Variants in SLC12A6 observed in about 807,000 individuals in gnomAD.
SLC12A6 encodes the protein K-Cl cotransporter 3.
SLC12A6 carries 66 observed loss-of-function variants against 135.3 expected under a neutral mutation model. The observed-to-expected ratio is 0.49, with a 90% CI of 0.40 to 0.60. The LOEUF (loss-of-function observed/expected upper bound fraction) is 0.60. SLC12A6 is among the 20% of genes least tolerant of loss of function. SLC12A6 has a pLI of 0.00. For synonymous variants in SLC12A6, 513 were observed against 508.8 expected, an observed-to-expected ratio of 1.01 and a Z score of -0.11; for missense variants, 1,058 against 1,452.3, an observed-to-expected ratio of 0.73 and a Z score of 4.41.
intron 2 of SLC12A6, among the ~76,000 whole-genome samples, chr15:34,334,860 T>TA (rs1400239985): frequency 5.3e-5 from 8 of 152,172 alleles, no homozygotes; most frequent in African/African-American, 1.9e-4. Context: ...TGCTTAAGGG[T>TA]AACGTAAGAA....
chr15:34,287,011 A>G, intron 2 of SLC12A6, among the ~76,000 whole-genome samples: 1 of 151,854 alleles, frequency 6.6e-6, no homozygotes, highest in East Asian at 1.9e-4. Context: ...TTTTTTAAAT[A>G]CTTTAAGTTC....
chr15:34,302,801 T>C (rs1003382305), intron 2 of SLC12A6, among the ~76,000 whole-genome samples: 30 of 151,608 alleles, frequency 2.0e-4, no homozygotes, highest in African/African-American at 6.8e-4. Context: ...AAATTAAAAA[T>C]TAGCCTGGCG....
At position 34,310,567 on chromosome 15, in the gene SLC12A6, G is replaced by A. The variant is rs867496763; in HGVS notation, c.271+25843C>T. On this transcript the variant is annotated intron_variant, in intron 2 of 25. Transcript: ENST00000354181. ...CTCAACTGTGTGTGTGTGTGTGTGTGTGTATGTGTGTGTGTGTGTGTGTGT... is the reference window on the plus strand; with the variant it reads ...CTCAACTGTGTGTGTGTGTGTGTGTATGTATGTGTGTGTGTGTGTGTGTGT... Among the ~76,000 whole-genome samples, 767 of 99,262 alleles carry A rather than the reference G, an allele frequency of 7.7e-3. 142 individuals are homozygous for A. The highest frequency in any genetic ancestry group is 0.04 in the African/African-American group (700 of 17,678). The allele number at this position is 99,262 out of a possible 152,430, so 65.1% of individuals were successfully genotyped here. A position where few individuals can be genotyped will look rare whatever the true frequency, so the allele number is the denominator to read the frequency against.
At chr15:34,269,007 C>T (rs149819117) in intron 3 of SLC12A6, among the ~76,000 whole-genome samples, 54 of 152,148 alleles carry the variant, frequency 3.5e-4, no homozygotes, top group Middle Eastern at 3.4e-3. Flanking sequence ...TAGGCGCCTG[C>T]CACCATGCCT....
chr15:34,319,255 C>T (rs1888884830), intron 2 of SLC12A6, among the ~76,000 whole-genome samples: 1 of 151,712 alleles, frequency 6.6e-6, no homozygotes, highest in African/African-American at 2.4e-5. Context: ...CCTGCCTCAG[C>T]CTCACGAGTA....
Position 34,260,979 on chromosome 15 carries a change from A to C in SLC12A6, c.358T>G (p.Ser120Ala). ...KKARNAYLNN[S>A]NYEEGDEYFD... ...TATTCATCTCCTTCTTCATAATTGG[A>C]ATTATTGAGATAAGCATTTCGAGCT... The change falls in exon 4 of 26, where the codon TCC (serine) becomes GCC (alanine). Residue 120 changes from serine to alanine, a missense_variant. By Grantham distance (99) the Ser-to-Ala change is moderately conservative. Transcript: ENST00000354181. 1 of 1,580,630 alleles carries C rather than the reference A, an allele frequency of 6.3e-7. No homozygotes were observed. Among genetic ancestry groups the C allele is most frequent in the South Asian group, 1.1e-5 (1 of 90,362 alleles).
chr15:34,317,848 T>G (rs1888761469), intron 2 of SLC12A6, among the ~76,000 whole-genome samples: 1 of 152,256 alleles, frequency 6.6e-6, no homozygotes, highest in South Asian at 2.1e-4. Context: ...ACTATAATAT[T>G]AACAAAGATT....
chr15:34,277,700 T>C (rs347826), intron 2 of SLC12A6, among the ~76,000 whole-genome samples: 9,521 of 152,206 alleles, frequency 0.063, 984 homozygotes, highest in African/African-American at 0.22. Context: ...GGAAGTGTTA[T>C]CACATCATTT....
chr15:34,285,246 T>C (rs945230814), intron 2 of SLC12A6, among the ~76,000 whole-genome samples: 14 of 152,254 alleles, frequency 9.2e-5, no homozygotes, highest in Admixed American at 5.9e-4. Context: ...CAAGAAAAGA[T>C]AATGGTAGTA....
intron 2 of SLC12A6, among the ~76,000 whole-genome samples, chr15:34,313,088 G>A (rs1888374364): frequency 6.6e-6 from 1 of 152,046 alleles, no homozygotes; most frequent in South Asian, 2.1e-4. Context: ...AACCCACATT[G>A]GCCTCTAAGT....
intron 2 of SLC12A6, among the ~76,000 whole-genome samples, chr15:34,317,956 A>C (rs1888768307): frequency 1.3e-5 from 2 of 152,218 alleles, no homozygotes; most frequent in South Asian, 4.1e-4. Flanking sequence ...TTCATCAAAT[A>C]CTTTTTTTAA....
intron 2 of SLC12A6, among the ~76,000 whole-genome samples, chr15:34,324,556 C>T (rs1345333177): frequency 6.6e-6 from 1 of 152,124 alleles, no homozygotes; most frequent in African/African-American, 2.4e-5. Flanking sequence ...TAATATGTTA[C>T]ACTAGCATAG....
Position 34,243,769 on chromosome 15 carries a change from G to A in SLC12A6, c.2042+205C>T, listed in dbSNP as rs192991041. 2.0e-3 allele frequency among the ~76,000 whole-genome samples: 299 copies of A among 152,236 alleles called. 4 individuals are homozygous for A. Among genetic ancestry groups the A allele is most frequent in the Non-Finnish European group, 2.0e-3 (133 of 68,024 alleles). ...TCTATTTAGTGCTTTTGCTCTATTC[G>A]TATTGGGTGTTATAAGTTATTATAA... On this transcript the variant is annotated intron_variant, in intron 16 of 25. Transcript: ENST00000354181.
At chr15:34,255,190 C>A in intron 8 of SLC12A6, 72 bp downstream of exon 8, 1 of 1,233,026 alleles carries the variant, frequency 8.1e-7, no homozygotes, top group Non-Finnish European at 1.2e-6. Flanking sequence ...CTCTCAGAAG[C>A]TTTCATAGCA....
intron 2 of SLC12A6, among the ~76,000 whole-genome samples, chr15:34,289,923 C>A (rs1406386064): frequency 6.6e-6 from 1 of 152,088 alleles, no homozygotes; most frequent in African/African-American, 2.4e-5. Flanking sequence ...TTTCAAAAAA[C>A]CAGCTCCTGG....
At chr15:34,273,374 C>CA (rs967532164) in intron 3 of SLC12A6, among the ~76,000 whole-genome samples, 1 of 151,952 alleles carries the variant, frequency 6.6e-6, no homozygotes, top group Non-Finnish European at 1.5e-5. Flanking sequence ...ACCAAAAAAA[C>CA]AAAAAACCTC....
intron 2 of SLC12A6, among the ~76,000 whole-genome samples, chr15:34,322,752 C>T (rs904747502): frequency 6.6e-6 from 1 of 151,494 alleles, no homozygotes; most frequent in Non-Finnish European, 1.5e-5. Context: ...CCAAGGTGGG[C>T]AGATCACTTG....
rs557300120 is a variant in SLC12A6, at chr15:34,316,089, T to G, written c.271+20321A>C. On this transcript the variant is annotated intron_variant, in intron 2 of 25. Transcript: ENST00000354181. ...TTCACACTTCTATTTTATCTCAAAT[T>G]CCTCATCTGTCCCGTTCAAATAAAT... Among the ~76,000 whole-genome samples the G allele has an allele frequency of 1.1e-4, 17 of 149,778 alleles. No individual in the cohort carries two copies. The South Asian group carries it at 3.6e-3, about 32-fold the overall frequency.
Position 34,250,210 on chromosome 15 carries a change from G to C in SLC12A6, c.1649+88C>G. Reference sequence around the variant, plus strand: ...ATGAGCCACGGTGCCTGGCTGTGTTGAGTCTGTAACTGTCTTGGAGCTATG... The same window carrying C: ...ATGAGCCACGGTGCCTGGCTGTGTTCAGTCTGTAACTGTCTTGGAGCTATG... On this transcript the variant is annotated intron_variant, in intron 13 of 25. Coordinates refer to ENST00000354181, the MANE Select transcript of SLC12A6 (RefSeq NM_001365088.1). The C allele has an allele frequency of 7.0e-6, 6 of 853,672 alleles. No homozygotes were observed. In the South Asian group the frequency reaches 7.9e-5, roughly 11 times the overall value. The allele number at this position is 853,672 out of a possible 1,614,324, so 52.9% of individuals were successfully genotyped here.
Sources: allele counts gnomAD v4.1 joint callset (sites outside exome capture counted in the v4.1 genomes callset), GRCh38; gene constraint gnomAD v4.1.1; transcripts MANE v1.5; gene names NCBI Gene and HGNC (gene_info 2026-07-23, HGNC 2026-07-21).